The following PTPRG variants were observed in gnomAD, a reference collection of about 807,000 sequenced individuals.
PTPRG encodes the protein protein tyrosine phosphatase receptor type G, also known as receptor-type tyrosine-protein phosphatase gamma.
Under a neutral mutation model 165.3 loss-of-function variants are expected in PTPRG, and 102 were observed. That is an observed-to-expected ratio of 0.62 (90% CI 0.53 to 0.73). The LOEUF (loss-of-function observed/expected upper bound fraction) is 0.73. Among genes scored for constraint, PTPRG ranks in the 30% least tolerant of loss-of-function variants. The probability of loss-of-function intolerance (pLI) is 0.00; values close to 1 mark genes in which losing one functional copy is unlikely to be tolerated. For missense variants in PTPRG, 1,866 were observed against 1,861.4 expected, an observed-to-expected ratio of 1.00 and a Z score of -0.05; for synonymous variants, 675 against 669.5, an observed-to-expected ratio of 1.01 and a Z score of -0.13.
At chr3:61,567,673 A>AC (rs1699948291) in intron 1 of PTPRG, among the ~76,000 whole-genome samples, 2 of 150,536 alleles carry the variant, frequency 1.3e-5, no homozygotes, top group African/African-American at 4.9e-5. Flanking sequence ...CTCAAAAAAA[A>AC]AAAAAAAAAA....
chr3:61,822,977 T>C (rs1196509021), intron 2 of PTPRG, among the ~76,000 whole-genome samples: 1 of 152,030 alleles, frequency 6.6e-6, no homozygotes, highest in Non-Finnish European at 1.5e-5. Flanking sequence ...AACAAGTGAG[T>C]GTTAATTCTC....
chr3:62,170,648 C>G (rs1019923306), intron 8 of PTPRG, among the ~76,000 whole-genome samples: 12 of 152,152 alleles, frequency 7.9e-5, no homozygotes, highest in African/African-American at 2.7e-4. Flanking sequence ...ATTCATGTGT[C>G]ATTCTACTAG....
At chr3:62,125,319 T>G (rs1224463450) in intron 5 of PTPRG, among the ~76,000 whole-genome samples, 2 of 152,224 alleles carry the variant, frequency 1.3e-5, no homozygotes, top group African/African-American at 4.8e-5. Context: ...CTTATATTTT[T>G]CATGCTGCAT....
At chr3:61,590,107 C>G (rs1343962599) in intron 1 of PTPRG, among the ~76,000 whole-genome samples, 1 of 151,404 alleles carries the variant, frequency 6.6e-6, no homozygotes, top group East Asian at 1.9e-4. Flanking sequence ...CCATTGGGCA[C>G]AATCCTTCTC....
intron 2 of PTPRG, among the ~76,000 whole-genome samples, chr3:61,931,984 T>A (rs2107585054): frequency 6.6e-6 from 1 of 152,374 alleles, no homozygotes; most frequent in Admixed American, 6.5e-5. Flanking sequence ...CAACCTTTAT[T>A]GTACTCATGA....
chr3:62,177,379 G>T (rs1049231288), intron 8 of PTPRG, among the ~76,000 whole-genome samples: 4 of 152,118 alleles, frequency 2.6e-5, no homozygotes, highest in Non-Finnish European at 5.9e-5. Context: ...CAGGATCTTG[G>T]ATATGGAAAT....
At chr3:61,677,293 AGT>A (rs969567054) in intron 1 of PTPRG, among the ~76,000 whole-genome samples, 15 of 150,526 alleles carry the variant, frequency 1.0e-4, no homozygotes, top group African/African-American at 1.5e-4. Flanking sequence ...ATGTATGTTT[AGT>A]GTGGGACAGG....
In PTPRG at chr3:62,172,527, A is replaced by C. The variant is rs546664620; in HGVS notation, c.1033+4364A>C. 1.4e-4 allele frequency among the ~76,000 whole-genome samples: 22 copies of C among 152,234 alleles called. No homozygotes were observed. The South Asian group carries it at 4.6e-3, about 32-fold the overall frequency. ...GATCTCCCTGTTTGTTTTTAAATGC[A>C]CATGTCATGGAACCACAGCCCACAT... On this transcript the variant is annotated intron_variant, in intron 8 of 29. Coordinates refer to ENST00000474889, the MANE Select transcript of PTPRG (RefSeq NM_002841.4).
chr3:61,978,320 A>C (rs935063536), intron 2 of PTPRG, among the ~76,000 whole-genome samples: 1 of 151,970 alleles, frequency 6.6e-6, no homozygotes. Context: ...TGATTTTATC[A>C]GTCTTTTTTG....
At chr3:61,913,515 G>A (rs915595653) in intron 2 of PTPRG, among the ~76,000 whole-genome samples, 26 of 152,256 alleles carry the variant, frequency 1.7e-4, no homozygotes, top group Non-Finnish European at 2.9e-4. Flanking sequence ...CACCGCACCC[G>A]GCCGAGGGAC....
At chr3:62,218,712 C>T (rs1205729831) in intron 12 of PTPRG, 139 bp from the exon 13 acceptor site, 6 of 1,116,404 alleles carry the variant, frequency 5.4e-6, no homozygotes, top group African/African-American at 1.6e-5. Context: ...TGCGGATTGC[C>T]CCTCCTGTCA....
At chr3:61,995,341 C>T (rs1487155494) in intron 3 of PTPRG, among the ~76,000 whole-genome samples, 4 of 152,040 alleles carry the variant, frequency 2.6e-5, no homozygotes, top group Non-Finnish European at 4.4e-5. Flanking sequence ...TGCCCCACCT[C>T]GGCCACCCAA....
chr3:61,975,736 G>A (rs1400654817), intron 2 of PTPRG, among the ~76,000 whole-genome samples: 1 of 151,782 alleles, frequency 6.6e-6, no homozygotes, highest in African/African-American at 2.4e-5. Flanking sequence ...TCTCACAGTT[G>A]CATGTGTTTC....
chr3:62,113,597 A>C (rs2106866427), intron 5 of PTPRG, among the ~76,000 whole-genome samples: 1 of 152,314 alleles, frequency 6.6e-6, no homozygotes, highest in South Asian at 2.1e-4. Flanking sequence ...TTCTGGTTGT[A>C]AAAATAATCA....
chr3:61,767,791 G>A (rs2034075506), intron 2 of PTPRG, among the ~76,000 whole-genome samples: 1 of 151,772 alleles, frequency 6.6e-6, no homozygotes, highest in African/African-American at 2.4e-5. Flanking sequence ...CAACATAGTG[G>A]GATCCCGTTT....
rs1481755638 is a variant in PTPRG at position 62,195,883 on chromosome 3, T to G, written c.1327+713T>G. 1.3e-5 allele frequency among the ~76,000 whole-genome samples: 2 copies of G among 152,086 alleles called. No homozygotes were observed. Among genetic ancestry groups the G allele is most frequent in the Admixed American group, 1.3e-4 (2 of 15,280 alleles). On this transcript the variant is annotated intron_variant, in intron 10 of 29. Transcript: ENST00000474889. This position sits in a 1 kb window ranked among gnomAD's most constrained non-coding sequence, Gnocchi z 4.4. The stretch of plus-strand genomic sequence containing the variant: ...GTGTTGGCTCACTGCAACCTCTGCC[T>G]CCTGGGTTCAAGTGATGCCTCAGCC...
chr3:62,132,635 ATT>A lies in PTPRG; in HGVS notation c.650_651del (p.Ile217AsnfsTer11). 6.2e-7 allele frequency: 1 copy of A among 1,612,466 alleles called. No homozygotes were observed. The highest frequency in any genetic ancestry group is 8.5e-7 in the Non-Finnish European group (1 of 1,178,502). On this transcript the variant is annotated frameshift_variant, in exon 6 of 30. Coordinates refer to ENST00000474889, the MANE Select transcript of PTPRG (RefSeq NM_002841.4). LOFTEE classifies it high-confidence loss of function. ...SPRDNSALDP[I>X]IHGLKGVVHH... is the part of the protein sequence containing the mutation. ...GAGGGACAATTCTGCACTGGATCCTATTATCCACGGGTTGAAGGGTGTCGTAC... is the reference window on the plus strand; with the variant it reads ...GAGGGACAATTCTGCACTGGATCCTAATCCACGGGTTGAAGGGTGTCGTAC...
intron 4 of PTPRG, among the ~76,000 whole-genome samples, chr3:62,022,522 G>T (rs556992226): frequency 3.9e-5 from 6 of 152,120 alleles, no homozygotes; most frequent in Non-Finnish European, 8.8e-5. Context: ...AGTAGATTAC[G>T]GTGTGAACGA....
intron 6 of PTPRG, among the ~76,000 whole-genome samples, chr3:62,139,861 G>A (rs1441555855): frequency 6.6e-6 from 1 of 152,150 alleles, no homozygotes; most frequent in African/African-American, 2.4e-5. Flanking sequence ...AGTCACTCCA[G>A]GCCTCTAGCA....
Sources: gnomAD v4.1 joint callset for allele counts (sites outside exome capture counted in the v4.1 genomes callset) on GRCh38, gnomAD v4.1.1 for gene constraint, Gnocchi (gnomAD v3.1) non-coding constraint, MANE v1.5 for transcripts, NCBI Gene and HGNC (gene_info 2026-07-23, HGNC 2026-07-21) for gene names.